EXOC6B: variants seen among roughly 807,000 people sequenced by gnomAD.
EXOC6B encodes SEC15 homolog B.
Under a neutral mutation model 113.5 loss-of-function variants are expected in EXOC6B, and 54 were observed. The observed-to-expected ratio is 0.48, with a 90% confidence interval of 0.38 to 0.60. The LOEUF (loss-of-function observed/expected upper bound fraction) is 0.60, where lower values mean the gene tolerates loss of function less well. EXOC6B is among the 20% of genes least tolerant of loss of function. The probability of loss-of-function intolerance (pLI) is 0.00; values close to 1 mark genes in which losing one functional copy is unlikely to be tolerated. For synonymous variants in EXOC6B, 357 were observed against 339.0 expected (o/e 1.05, Z -0.58); for missense variants, 797 against 977.5 (o/e 0.82, Z 2.46).
chr2:72,471,486 T>G (rs1233624678), intron 17 of EXOC6B, among the ~76,000 whole-genome samples: 1 of 152,170 alleles, frequency 6.6e-6, no homozygotes, highest in African/African-American at 2.4e-5. Flanking sequence ...CATTTGTCAA[T>G]TTTGTCTTTT....
chr2:72,488,771 T>C (rs1239097028), intron 16 of EXOC6B, among the ~76,000 whole-genome samples: 4 of 152,208 alleles, frequency 2.6e-5, no homozygotes, highest in African/African-American at 9.7e-5. Flanking sequence ...ATTCCCTAAC[T>C]AGTCCCCTTG....
intron 20 of EXOC6B, among the ~76,000 whole-genome samples, chr2:72,220,206 G>T (rs1680780005): frequency 6.6e-6 from 1 of 152,114 alleles, no homozygotes; most frequent in Admixed American, 6.6e-5. Context: ...TATTTTCCAG[G>T]GCCTGAAGAA....
chr2:72,371,273 G>A (rs1246799836), intron 19 of EXOC6B, among the ~76,000 whole-genome samples: 1 of 152,054 alleles, frequency 6.6e-6, no homozygotes, highest in Non-Finnish European at 1.5e-5. Context: ...ATCTAAAGAA[G>A]AACTAATACT....
At chr2:72,737,329 G>A (rs779002643) in intron 2 of EXOC6B, among the ~76,000 whole-genome samples, 21 of 151,712 alleles carry the variant, frequency 1.4e-4, no homozygotes, top group Non-Finnish European at 2.4e-4. Flanking sequence ...GGGCAACAGA[G>A]TGAGACTCTG....
intron 20 of EXOC6B, among the ~76,000 whole-genome samples, chr2:72,295,379 G>A (rs1355212627): frequency 1.3e-5 from 2 of 151,970 alleles, no homozygotes; most frequent in African/African-American, 4.8e-5. Context: ...GTTGATTATG[G>A]AGACTTTTCT....
intron 18 of EXOC6B, chr2:72,462,694 A>C (rs1697774994): frequency 6.6e-6 from 1 of 152,144 alleles, no homozygotes; most frequent in Admixed American, 6.6e-5. Flanking sequence ...CAGAACTGTG[A>C]GAAACAAATT....
At chr2:72,729,831 C>T (rs1680526214) in intron 5 of EXOC6B, among the ~76,000 whole-genome samples, 1 of 152,056 alleles carries the variant, frequency 6.6e-6, no homozygotes. Flanking sequence ...GTGTTCTATC[C>T]ATGTTCTCTT....
intron 6 of EXOC6B, among the ~76,000 whole-genome samples, chr2:72,649,276 A>G (rs1673983807): frequency 6.6e-6 from 1 of 152,248 alleles, no homozygotes; most frequent in Non-Finnish European, 1.5e-5. Context: ...TGAATAAAAT[A>G]TAGTATTTAT....
At chr2:72,806,119 T>A (rs1159100392) in intron 1 of EXOC6B, among the ~76,000 whole-genome samples, 1 of 152,152 alleles carries the variant, frequency 6.6e-6, no homozygotes, top group Non-Finnish European at 1.5e-5. Flanking sequence ...GAGGTACAAA[T>A]CCCATCACTA....
intron 6 of EXOC6B, among the ~76,000 whole-genome samples, chr2:72,667,248 G>A (rs1455444881): frequency 1.3e-5 from 2 of 152,162 alleles, no homozygotes; most frequent in Non-Finnish European, 2.9e-5. Flanking sequence ...AATATTCCAT[G>A]CTCATATTTA....
intron 1 of EXOC6B, among the ~76,000 whole-genome samples, chr2:72,824,844 C>T (rs766747524): frequency 1.3e-5 from 2 of 152,072 alleles, no homozygotes; most frequent in Non-Finnish European, 2.9e-5. Flanking sequence ...CCGATAATCC[C>T]CAGCTGAGGC....
chr2:72,437,957 T>C (rs1025647291), intron 18 of EXOC6B, among the ~76,000 whole-genome samples: 1 of 152,062 alleles, frequency 6.6e-6, no homozygotes, highest in African/African-American at 2.4e-5. Flanking sequence ...GTGATTAAAT[T>C]TGCAATACTT....
At chr2:72,365,418 A>G (rs1474811327) in intron 19 of EXOC6B, among the ~76,000 whole-genome samples, 1 of 152,206 alleles carries the variant, frequency 6.6e-6, no homozygotes, top group Non-Finnish European at 1.5e-5. Flanking sequence ...GAGGTAATGC[A>G]GAATTATGAT....
At chr2:72,276,749 G>A (rs989892696) in intron 20 of EXOC6B, among the ~76,000 whole-genome samples, 1 of 152,014 alleles carries the variant, frequency 6.6e-6, no homozygotes, top group African/African-American at 2.4e-5. Context: ...TGTTCATTTT[G>A]TAAGTTGACT....
intron 8 of EXOC6B, among the ~76,000 whole-genome samples, chr2:72,532,100 A>G (rs1303852558): frequency 6.6e-6 from 1 of 152,238 alleles, no homozygotes; most frequent in African/African-American, 2.4e-5. Flanking sequence ...ATATCACCCC[A>G]GGATCAAAAG....
chr2:72,497,364 T>C (rs1424733030), intron 13 of EXOC6B, among the ~76,000 whole-genome samples: 3 of 152,110 alleles, frequency 2.0e-5, no homozygotes, highest in African/African-American at 4.8e-5. Context: ...TATTTTCATT[T>C]ACTTTACCTA....
chr2:72,815,922 G>C (rs1049631496), intron 1 of EXOC6B, among the ~76,000 whole-genome samples: 5 of 152,184 alleles, frequency 3.3e-5, no homozygotes, highest in Non-Finnish European at 7.4e-5. Context: ...ACTTTGGGAG[G>C]CCAAGGCGGT....
intron 6 of EXOC6B, among the ~76,000 whole-genome samples, chr2:72,604,376 T>C (rs1239057210): frequency 6.6e-6 from 1 of 152,190 alleles, no homozygotes; most frequent in East Asian, 1.9e-4. Flanking sequence ...ATTCCTACCA[T>C]CCTTTTGATT....
At chr2:72,782,473 A>G (rs1684113332) in intron 1 of EXOC6B, among the ~76,000 whole-genome samples, 1 of 152,192 alleles carries the variant, frequency 6.6e-6, no homozygotes, top group African/African-American at 2.4e-5. Flanking sequence ...TGTAATGATT[A>G]AGTCAGGATA....
Sources: gnomAD v4.1 joint callset for allele counts (sites outside exome capture counted in the v4.1 genomes callset) on GRCh38, gnomAD v4.1.1 for gene constraint, MANE v1.5 for transcripts, NCBI Gene and HGNC (gene_info 2026-07-23, HGNC 2026-07-21) for gene names.